SLA: variants seen among roughly 807,000 people sequenced by gnomAD.
SLA encodes the protein Src like adaptor.
Under a neutral mutation model 30.3 loss-of-function variants are expected in SLA, and 16 were observed. That is an observed-to-expected ratio of 0.53 (90% confidence interval 0.36 to 0.80). The LOEUF (loss-of-function observed/expected upper bound fraction) is 0.80. Ranked by LOEUF, SLA falls within the 30% of genes least tolerant of loss-of-function variation. The pLI is 0.01. For synonymous variants in SLA, 143 were observed against 137.8 expected, an observed-to-expected ratio of 1.04 and a Z score of -0.26; for missense variants, 310 against 345.2, an observed-to-expected ratio of 0.90 and a Z score of 0.81.
rs376711807 is a variant in SLA at position 133,070,029 on chromosome 8, A to AAAAAAAAAAAC, written c.-41+4823_-41+4824insGTTTTTTTTTT. Among the ~76,000 whole-genome samples the AAAAAAAAAAAC allele has an allele frequency of 1.8e-3, 193 of 109,780 alleles. 56 individuals are homozygous for AAAAAAAAAAAC. Among genetic ancestry groups the AAAAAAAAAAAC allele is most frequent in the African/African-American group, 6.9e-3 (178 of 25,796 alleles). 72.0% of individuals were successfully genotyped at this position (109,780 alleles called of 152,430 possible). Reference sequence around the variant, plus strand: ...AAAAAAAAAAAAAAAAAAAAAAAGAAAGAAAGAAAGAAAAGAAAAGAAGAA... The same window carrying AAAAAAAAAAAC: ...AAAAAAAAAAAAAAAAAAAAAAAGAAAAAAAAAAAACAGAAAGAAAGAAAAGAAAAGAAGAA... On this transcript the variant is annotated intron_variant, in intron 2 of 8. Transcript: ENST00000338087.
intron 3 of SLA, among the ~76,000 whole-genome samples, chr8:133,056,315 C>A (rs1841435759): frequency 6.6e-6 from 1 of 152,160 alleles, no homozygotes; most frequent in African/African-American, 2.4e-5. Context: ...TCTCATGTAC[C>A]AGCAGCGAGG....
At chr8:133,040,234 A>C (rs1352330586) in intron 7 of SLA, 104 bp from the exon 8 acceptor site, 3 of 1,276,288 alleles carry the variant, frequency 2.4e-6, no homozygotes, top group Non-Finnish European at 1.1e-6. Flanking sequence ...GGCTGCTGCC[A>C]TGGGGAACTG....
intron 3 of SLA, among the ~76,000 whole-genome samples, chr8:133,057,444 A>G (rs570513829): frequency 9.2e-5 from 14 of 152,144 alleles, no homozygotes; most frequent in Admixed American, 7.2e-4. Context: ...CTTTTGGGGA[A>G]TGGCCATTTA....
chr8:133,058,792 T>C (rs1345041645), intron 3 of SLA, among the ~76,000 whole-genome samples: 2 of 152,226 alleles, frequency 1.3e-5, no homozygotes, highest in African/African-American at 4.8e-5. Flanking sequence ...CACCTTGTCA[T>C]CTGGTTCCAC....
At chr8:133,090,638 C>T (rs1847350249) in intron 1 of SLA, among the ~76,000 whole-genome samples, 1 of 152,208 alleles carries the variant, frequency 6.6e-6, no homozygotes, top group African/African-American at 2.4e-5. Context: ...ATGATGAATA[C>T]AACCAACTTT....
chr8:133,070,032 A>T (rs1447126095), intron 2 of SLA, among the ~76,000 whole-genome samples: 1 of 146,454 alleles, frequency 6.8e-6, no homozygotes, highest in Non-Finnish European at 1.5e-5. Flanking sequence ...AAAAAGAAAG[A>T]AAGAAAGAAA....
chr8:133,054,377 G>T (rs534907444), intron 3 of SLA, among the ~76,000 whole-genome samples: 2 of 152,156 alleles, frequency 1.3e-5, no homozygotes, highest in African/African-American at 2.4e-5. Flanking sequence ...AAACCAATCA[G>T]AACTGGCTTA....
chr8:133,042,461 T>TAA (rs1377019172), intron 7 of SLA, among the ~76,000 whole-genome samples: 2 of 152,148 alleles, frequency 1.3e-5, no homozygotes, highest in Admixed American at 6.5e-5. Flanking sequence ...ATGGTATACT[T>TAA]TAGGTGCCAC....
At chr8:133,071,191 G>GGT (rs1315824740) in intron 2 of SLA, among the ~76,000 whole-genome samples, 1 of 152,194 alleles carries the variant, frequency 6.6e-6, no homozygotes, top group East Asian at 1.9e-4. Context: ...GTGTGTCCTA[G>GGT]GTGTGTTACA....
intron 7 of SLA, among the ~76,000 whole-genome samples, chr8:133,042,709 T>TTTTTTG (rs1554706931): frequency 2.2e-5 from 3 of 138,680 alleles, no homozygotes; most frequent in Admixed American, 7.3e-5. Flanking sequence ...TTTTTTTTTT[T>TTTTTTG]GTGAGATGGA....
chr8:133,061,147 A>G (rs1842318563), intron 2 of SLA, among the ~76,000 whole-genome samples: 1 of 152,166 alleles, frequency 6.6e-6, no homozygotes, highest in African/African-American at 2.4e-5. Context: ...AGTAGCTGGG[A>G]TTACAGGCAC....
At chr8:133,077,588 C>T (rs1845090951) in intron 1 of SLA, among the ~76,000 whole-genome samples, 1 of 152,190 alleles carries the variant, frequency 6.6e-6, no homozygotes, top group South Asian at 2.1e-4. Flanking sequence ...GGTTTTGGCC[C>T]TGGGCCCAAC....
intron 6 of SLA, chr8:133,046,509 GAGGGTAGCA>G (rs1449228296): frequency 6.6e-6 from 1 of 152,212 alleles, no homozygotes; most frequent in Non-Finnish European, 1.5e-5. Context: ...TAAGCAGACC[GAGGGTAGCA>G]AGTGAAACAC....
Position 133,077,735 on chromosome 8 carries a change from A to ATGTGTGTG in SLA, c.-318-2613_-318-2606dup, listed in dbSNP as rs34749093. Among the ~76,000 whole-genome samples the ATGTGTGTG allele has an allele frequency of 1.9e-3, 279 of 148,174 alleles. 1 individual carries two copies. The East Asian group carries it at 0.024, about 13-fold the overall frequency. On this transcript the variant is annotated intron_variant, in intron 1 of 8. Coordinates refer to ENST00000338087, the MANE Select transcript of SLA (RefSeq NM_001045556.3). ...TGGATCAGGGCATTCTCTGGTGTGT[A>ATGTGTGTG]TGTGTGTGTGTGTGTGTGTGTGTGT...
chr8:133,083,688 T>C (rs1394212313), intron 1 of SLA, among the ~76,000 whole-genome samples: 1 of 152,098 alleles, frequency 6.6e-6, no homozygotes, highest in Non-Finnish European at 1.5e-5. Flanking sequence ...CTATTTTTTT[T>C]CTGCATCTCT....
intron 1 of SLA, among the ~76,000 whole-genome samples, chr8:133,093,846 A>G (rs1009318774): frequency 2.0e-5 from 3 of 152,216 alleles, no homozygotes; most frequent in Non-Finnish European, 2.9e-5. Flanking sequence ...TAACTGTTAC[A>G]TGGGACAGTA....
intron 1 of SLA, among the ~76,000 whole-genome samples, chr8:133,079,200 G>T (rs1845372484): frequency 6.6e-6 from 1 of 152,204 alleles, no homozygotes; most frequent in Admixed American, 6.5e-5. Flanking sequence ...ACACTGTCAG[G>T]AGGTCAGGCT....
intron 2 of SLA, among the ~76,000 whole-genome samples, chr8:133,066,498 C>G (rs998664209): frequency 2.0e-5 from 3 of 152,158 alleles, no homozygotes; most frequent in Admixed American, 2.0e-4. Flanking sequence ...CAAGGACTCT[C>G]TCTGGGTAGT....
At chr8:133,052,811 T>C (rs902998306) in intron 3 of SLA, among the ~76,000 whole-genome samples, 2 of 152,146 alleles carry the variant, frequency 1.3e-5, no homozygotes, top group African/African-American at 4.8e-5. Flanking sequence ...GGCGTATGAT[T>C]TGTTTGGCTT....
Sources: allele counts gnomAD v4.1 joint callset (sites outside exome capture counted in the v4.1 genomes callset), GRCh38; gene constraint gnomAD v4.1.1; transcripts MANE v1.5; gene names NCBI Gene and HGNC (gene_info 2026-07-23, HGNC 2026-07-21).